The following GAK variants were observed in gnomAD, a reference collection of about 807,000 sequenced individuals.
GAK encodes the protein cyclin G associated kinase.
In GAK, 79 loss-of-function variants were observed where a neutral mutation model predicts 143.9. The ratio of observed to expected loss-of-function variants is 0.55; its 90% confidence interval spans 0.46 to 0.66. The LOEUF is 0.66. GAK is among the 30% of genes least tolerant of loss of function. GAK has a pLI of 0.00. For missense variants in GAK, 1,693 were observed against 1,779.7 expected (o/e 0.95, Z 0.88); for synonymous variants, 881 against 765.5 (o/e 1.15, Z -2.49).
chr4:904,621 T>C lies in GAK; in HGVS notation c.525+16A>G. On this transcript the variant is annotated intron_variant, in intron 5 of 27. Coordinates refer to ENST00000314167, the MANE Select transcript of GAK (RefSeq NM_005255.4). ...ACACAGAGGCCTTGGCAGCCGCGTG[T>C]GGAGGGAGCCACTACCTTGAGGTCC... 6.4e-7 allele frequency: 1 copy of C among 1,558,066 alleles called. No individual in the cohort carries two copies. The highest frequency in any genetic ancestry group is 8.7e-7 in the Non-Finnish European group (1 of 1,151,460).
Position 868,695 on chromosome 4 carries a change from A to T in GAK, c.2249-10T>A. On this transcript the variant is annotated splice_polypyrimidine_tract_variant and intron_variant, in intron 19 of 27. Transcript: ENST00000314167. ...GGAAGCTCCGGCTTCCCTGCAGGAG[A>T]GGGAGGGCGTCAGGGCACTGGCACT... is the stretch of plus-strand genomic sequence containing the variant. 2 of 1,547,532 alleles carry T rather than the reference A, an allele frequency of 1.3e-6. No homozygotes were observed. The highest frequency in any genetic ancestry group is 2.4e-5 in the South Asian group (2 of 84,030).
intron 9 of GAK, 105 bp from the exon 10 acceptor site, chr4:890,727 C>T (rs1717477130): frequency 2.3e-6 from 2 of 856,836 alleles, no homozygotes; most frequent in South Asian, 1.6e-5. Flanking sequence ...CATCCTTCTG[C>T]CCCCTGATCT....
At position 859,697 on chromosome 4, in the gene GAK, C is replaced by G. The variant is rs1179123161; in HGVS notation, c.3192G>C (p.Gln1064His). ...TGGCCTGAGAGCCACAAGGGGCCGG[C>G]TGACCTCCAGGAGAGAAGAGGGGGC... ...TEGPLFSPGGQPAPCGSQASW... is the reference protein window; with the variant it reads ...TEGPLFSPGGHPAPCGSQASW... The change falls in exon 24 of 28, where the codon CAG becomes CAC. Residue 1064 changes from glutamine (Q) to histidine (H), a missense_variant. Around this residue, in one of 2 missense-constraint regions of GAK, gnomAD observed 822 missense variants for 788.7 expected, o/e 1.04. Coordinates refer to ENST00000314167, the MANE Select transcript of GAK (RefSeq NM_005255.4). 1.3e-6 allele frequency: 2 copies of G among 1,598,442 alleles called. No individual in the cohort carries two copies. The highest frequency in any genetic ancestry group is 2.2e-5 in the South Asian group (2 of 90,692).
At position 893,908 on chromosome 4, in the gene GAK, G is replaced by A. The variant is rs532563697; in HGVS notation, c.843C>T (p.His281=). 1.1e-5 allele frequency: 18 copies of A among 1,611,136 alleles called. No individual in the cohort carries two copies. Among genetic ancestry groups the A allele is most frequent in the East Asian group, 6.7e-5 (3 of 44,876 alleles). The change falls in exon 8 of 28, where the codon CAC becomes CAT. Residue 281 remains histidine, a synonymous_variant. Transcript: ENST00000314167. ...TGTGGAAGACCGTGTACTGCGTGTCGTGCGGGGGGATCGAGTACTTCCCAT... is the reference window on the plus strand; with the variant it reads ...TGTGGAAGACCGTGTACTGCGTGTCATGCGGGGGGATCGAGTACTTCCCAT... ...IVNGKYSIPP[H]DTQYTVFHSL...
At chr4:881,444 C>T (rs1403162697) in intron 15 of GAK, among the ~76,000 whole-genome samples, 1 of 152,200 alleles carries the variant, frequency 6.6e-6, no homozygotes, top group South Asian at 2.1e-4. Flanking sequence ...TGAGAAACAG[C>T]CTCCTCCACA....
chr4:905,388 A>T (rs1328624069), intron 4 of GAK, among the ~76,000 whole-genome samples: 2 of 152,166 alleles, frequency 1.3e-5, no homozygotes, highest in African/African-American at 2.4e-5. Flanking sequence ...ACCGTGGAGC[A>T]ATCAGTGCTC....
chr4:899,055 TCAGCC>T (rs897126665), intron 5 of GAK, among the ~76,000 whole-genome samples: 13 of 152,180 alleles, frequency 8.5e-5, no homozygotes, highest in Middle Eastern at 3.4e-3. Context: ...ACGCAGTGAC[TCAGCC>T]CCACAGTGCT....
chr4:899,934 C>T (rs1389584557), intron 5 of GAK, among the ~76,000 whole-genome samples: 4 of 152,230 alleles, frequency 2.6e-5, no homozygotes, highest in African/African-American at 4.8e-5. Context: ...CGAGGAGATG[C>T]GGGCCACATA....
chr4:850,016 G>A lies in GAK; in HGVS notation c.3710C>T (p.Thr1237Met), dbSNP rs767022326. The change falls in exon 27 of 28, where the codon ACG becomes ATG. Residue 1237 changes from threonine (T) to methionine (M), a missense_variant. Coordinates refer to ENST00000314167, the MANE Select transcript of GAK (RefSeq NM_005255.4). The part of the protein sequence containing the change: ...KERNIRALLS[T>M]LHTVLWDGES... ...CCCGTCCCACAGCACTGTGTGCAGC[G>A]TGGACAGCAGGGCCCGGATGTTCCG... is the stretch of plus-strand genomic sequence containing the variant. The A allele has an allele frequency of 1.7e-5, 28 of 1,606,356 alleles. No individual in the cohort carries two copies. Among genetic ancestry groups the A allele is most frequent in the Admixed American group, 6.7e-5 (4 of 59,686 alleles).
At chr4:909,293 TGGA>T (rs1293029776) in intron 4 of GAK, among the ~76,000 whole-genome samples, 3 of 152,258 alleles carry the variant, frequency 2.0e-5, no homozygotes, top group Non-Finnish European at 4.4e-5. Context: ...CTCCCAGCTC[TGGA>T]GGAGGCCCTA....
intron 5 of GAK, among the ~76,000 whole-genome samples, chr4:898,919 A>G (rs562093144): frequency 6.4e-4 from 98 of 152,232 alleles, no homozygotes; most frequent in African/African-American, 2.3e-3. Flanking sequence ...ACAATTGTGA[A>G]GCCCACATTA....
chr4:925,763 C>A (rs1260872033), intron 1 of GAK, among the ~76,000 whole-genome samples: 1 of 152,210 alleles, frequency 6.6e-6, no homozygotes, highest in Non-Finnish European at 1.5e-5. Flanking sequence ...TCACCAGACA[C>A]CAGATCTGCC....
Position 849,576 on chromosome 4 carries a change from A to G in GAK, c.*97T>C. 1 of 926,300 alleles carries G rather than the reference A, an allele frequency of 1.1e-6. No homozygotes were observed. Among genetic ancestry groups the G allele is most frequent in the Non-Finnish European group, 1.7e-6 (1 of 584,014 alleles). 57.4% of individuals were successfully genotyped at this position (926,300 alleles called of 1,614,324 possible). On this transcript the variant is annotated 3_prime_UTR_variant, in exon 28 of 28. Transcript: ENST00000314167. ...GGGCTCGGAGCCCCACCCTGGCCACACCTGCTGTCGCCCACGGGGTCCTCA... is the reference window on the plus strand; with the variant it reads ...GGGCTCGGAGCCCCACCCTGGCCACGCCTGCTGTCGCCCACGGGGTCCTCA...
chr4:889,018 TC>T, intron 10 of GAK, 48 bp from the exon 11 acceptor site: 2 of 1,561,876 alleles, frequency 1.3e-6, no homozygotes. Flanking sequence ...CGGTCCCACC[TC>T]CCCAGGTGCG....
chr4:871,983 CAA>C (rs944187593), intron 18 of GAK, among the ~76,000 whole-genome samples: 2 of 152,158 alleles, frequency 1.3e-5, no homozygotes, highest in Admixed American at 6.5e-5. Flanking sequence ...AGAAGAAACA[CAA>C]AAGAGTGGCG....
rs779971344 is a variant in GAK, at chr4:888,914, C to T, written c.1138G>A (p.Gly380Ser). Residue 380 changes from glycine (G) to serine (S), a missense_variant, in exon 11 of 28, where the codon GGT (glycine) becomes AGT (serine). By Grantham distance (56) the Gly-to-Ser change is moderately conservative (BLOSUM62 0). This residue lies in a region of GAK where 871 missense variants were observed against 991.0 expected (regional missense o/e 0.88). Transcript: ENST00000314167. ...TTGGTGAAGAGCCGCTCTGTCCCAC[C>T]CCGCAGAATGTCCAGGAAGCCGCCA... is the stretch of plus-strand genomic sequence containing the variant. ...PYGGFLDILR[G>S]GTERLFTNLK... 7 of 1,612,648 alleles carry T rather than the reference C, an allele frequency of 4.3e-6. No homozygotes were observed. Among genetic ancestry groups the T allele is most frequent in the Non-Finnish European group, 1.7e-6 (2 of 1,179,724 alleles).
intron 3 of GAK, 155 bp downstream of exon 3, chr4:912,580 G>T: frequency 1.8e-6 from 1 of 562,344 alleles, no homozygotes; most frequent in Non-Finnish European, 3.2e-6. Flanking sequence ...CCTAGAAGTC[G>T]CCTACAACTA....
At chr4:875,803 G>A (rs1228261081) in intron 18 of GAK, among the ~76,000 whole-genome samples, 2 of 152,244 alleles carry the variant, frequency 1.3e-5, no homozygotes, top group African/African-American at 2.4e-5. Flanking sequence ...TTAGCCATGC[G>A]TGGTGGTGCA....
At chr4:869,722 T>C (rs1166371891) in intron 19 of GAK, 1 of 143,670 alleles carries the variant, frequency 7.0e-6, no homozygotes, top group Non-Finnish European at 1.5e-5. Flanking sequence ...CACACACAGA[T>C]GCACAGTACA....
Sources: allele counts gnomAD v4.1 joint callset (sites outside exome capture counted in the v4.1 genomes callset), GRCh38; gene constraint gnomAD v4.1.1; regional missense constraint gnomAD v4.1.1; transcripts MANE v1.5; gene names NCBI Gene and HGNC (gene_info 2026-07-23, HGNC 2026-07-21).